Variants in DCAF8L2 observed in about 807,000 individuals in gnomAD.
DCAF8L2 encodes DDB1 and CUL4 associated factor 8 like 2.
For missense variants in DCAF8L2, 430 were observed against 490.7 expected (o/e 0.88, Z 1.17); for synonymous variants, 200 against 190.9 (o/e 1.05, Z -0.39).
chrX:27,599,465 G>A (rs1926533889), intron 1 of DCAF8L2, among the ~76,000 whole-genome samples: 1 of 111,381 alleles, frequency 9.0e-6, no homozygotes, highest in Admixed American at 9.6e-5. Flanking sequence ...AGTGCTTAGA[G>A]TTAAAAATAC....
chrX:27,551,058 C>G, the DCAF8L2 span, among the ~76,000 whole-genome samples: 1 of 109,991 alleles, frequency 9.1e-6, no homozygotes, highest in African/African-American at 3.3e-5. Context: ...AGACAATGAA[C>G]TTAATAAATG....
the DCAF8L2 span, among the ~76,000 whole-genome samples, chrX:27,505,535 A>G: frequency 6.3e-5 from 7 of 111,435 alleles, no homozygotes; most frequent in Non-Finnish European, 1.3e-4. Context: ...TCATTTAATC[A>G]TATTAGGCAT....
chrX:27,645,541 A>G (rs1928905470), intron 2 of DCAF8L2, among the ~76,000 whole-genome samples: 1 of 112,105 alleles, frequency 8.9e-6, no homozygotes, highest in African/African-American at 3.2e-5. Context: ...CTCTTATTCA[A>G]CATAGTGTTG....
chrX:27,694,517 C>G (rs916649897), intron 3 of DCAF8L2, among the ~76,000 whole-genome samples: 4 of 110,383 alleles, frequency 3.6e-5, no homozygotes, highest in Admixed American at 2.9e-4. Context: ...TGTTTCTTAT[C>G]AAGTATGCAG....
At chrX:27,520,901 T>C in the DCAF8L2 span, among the ~76,000 whole-genome samples, 6 of 111,979 alleles carry the variant, frequency 5.4e-5, no homozygotes, top group Non-Finnish European at 1.1e-4. Context: ...TATGAGAACT[T>C]TCAGGCAGAT....
At chrX:27,481,945 G>A in the DCAF8L2 span, among the ~76,000 whole-genome samples, 1 of 111,604 alleles carries the variant, frequency 9.0e-6, no homozygotes, top group African/African-American at 3.2e-5. Flanking sequence ...ACATATTATA[G>A]ATGTGTCATT....
chrX:27,495,236 T>A, the DCAF8L2 span, among the ~76,000 whole-genome samples: 1 of 112,170 alleles, frequency 8.9e-6, no homozygotes, highest in East Asian at 2.8e-4. Flanking sequence ...GATGTATTTA[T>A]GCACTCTGTA....
At chrX:27,505,195 G>A in the DCAF8L2 span, among the ~76,000 whole-genome samples, 1 of 111,217 alleles carries the variant, frequency 9.0e-6, no homozygotes, top group Non-Finnish European at 1.9e-5. Context: ...TAGGAATTAG[G>A]ACCCTCACTT....
At chrX:27,485,335 G>A in the DCAF8L2 span, among the ~76,000 whole-genome samples, 2 of 111,657 alleles carry the variant, frequency 1.8e-5, no homozygotes, top group African/African-American at 3.3e-5. Context: ...TTGGGTACTG[G>A]TGAGCTACAA....
At chrX:27,628,454 G>T (rs192122174) in intron 1 of DCAF8L2, among the ~76,000 whole-genome samples, 1 of 111,673 alleles carries the variant, frequency 9.0e-6, no homozygotes, top group East Asian at 2.8e-4. Context: ...GCACATAAGT[G>T]AGATTGCTGG....
At chrX:27,726,867 A>T (rs1392357385) in intron 4 of DCAF8L2, among the ~76,000 whole-genome samples, 1 of 111,973 alleles carries the variant, frequency 8.9e-6, no homozygotes, top group Non-Finnish European at 1.9e-5. Context: ...TAATGATTGT[A>T]TGAACATTCT....
chrX:27,717,064 C>T (rs1602772089), intron 4 of DCAF8L2, among the ~76,000 whole-genome samples: 1 of 112,186 alleles, frequency 8.9e-6, no homozygotes, highest in South Asian at 3.7e-4. Context: ...GACATGATCT[C>T]GTTCCTTTTT....
intron 2 of DCAF8L2, among the ~76,000 whole-genome samples, chrX:27,644,816 G>T (rs931657570): frequency 8.9e-6 from 1 of 111,736 alleles, no homozygotes; most frequent in East Asian, 2.8e-4. Context: ...GTGCAGTGGC[G>T]CAATCTCGGC....
the DCAF8L2 span, among the ~76,000 whole-genome samples, chrX:27,502,333 AAAATAT>A: frequency 2.1e-3 from 48 of 23,248 alleles, no homozygotes; most frequent in African/African-American, 3.1e-3. Context: ...AAAAAAAAAA[AAAATAT>A]ATATATATAT....
chrX:27,628,090 T>C (rs780231700), intron 1 of DCAF8L2, among the ~76,000 whole-genome samples: 1 of 110,893 alleles, frequency 9.0e-6, no homozygotes, highest in Non-Finnish European at 1.9e-5. Context: ...CAACTCTCAA[T>C]TTCCCCCACT....
chrX:27,707,519 T>A (rs956663983), intron 3 of DCAF8L2, among the ~76,000 whole-genome samples: 5 of 111,460 alleles, frequency 4.5e-5, no homozygotes, highest in African/African-American at 1.6e-4. Context: ...GTTTGAAAAA[T>A]TTCAAATATA....
the DCAF8L2 span, among the ~76,000 whole-genome samples, chrX:27,513,703 CAAA>C: frequency 3.1e-5 from 2 of 64,383 alleles, no homozygotes; most frequent in Admixed American, 1.9e-4. Context: ...GACTCAGTCT[CAAA>C]AAAAAAAAAA....
the DCAF8L2 span, chrX:27,518,744 A>G: frequency 5.0e-6 from 1 of 200,269 alleles, no homozygotes; most frequent in Non-Finnish European, 9.5e-6. Flanking sequence ...CATCTCAAAA[A>G]AAATAATAAT....
chrX:27,606,230 A>AAT (rs10597365), intron 1 of DCAF8L2, among the ~76,000 whole-genome samples: 28 of 82,724 alleles, frequency 3.4e-4, no homozygotes, highest in South Asian at 2.1e-3. Flanking sequence ...CCTAGATACA[A>AAT]ATATATATAT....
Sources: gnomAD v4.1 joint callset for allele counts (sites outside exome capture counted in the v4.1 genomes callset) on GRCh38, gnomAD v4.1.1 for gene constraint, MANE v1.5 for transcripts, NCBI Gene and HGNC (gene_info 2026-07-23, HGNC 2026-07-21) for gene names.